Variants in RCAN2 observed in about 807,000 individuals in gnomAD.
RCAN2 encodes the protein regulator of calcineurin 2.
In RCAN2, 9 loss-of-function variants were observed where a neutral mutation model predicts 23.6. The ratio of observed to expected loss-of-function variants is 0.38; its 90% CI spans 0.23 to 0.67. The LOEUF is 0.67. Ranked by LOEUF, RCAN2 falls within the 30% of genes least tolerant of loss-of-function variation. The pLI is 0.51. For missense variants in RCAN2, 273 were observed against 302.3 expected (o/e 0.90, Z 0.72); for synonymous variants, 109 against 115.7 (o/e 0.94, Z 0.37).
intron 2 of RCAN2, among the ~76,000 whole-genome samples, chr6:46,260,698 G>C (rs951045140): frequency 6.6e-6 from 1 of 152,126 alleles, no homozygotes; most frequent in Non-Finnish European, 1.5e-5. Context: ...TATGGAGCCC[G>C]GCTATGCCAA....
chr6:46,455,345 T>A (rs367747583), intron 2 of RCAN2, among the ~76,000 whole-genome samples: 1 of 152,186 alleles, frequency 6.6e-6, no homozygotes, highest in East Asian at 1.9e-4. Flanking sequence ...TATAAAAATA[T>A]CTTTAAATGG....
At chr6:46,412,799 G>A (rs1766586752) in intron 2 of RCAN2, among the ~76,000 whole-genome samples, 1 of 152,158 alleles carries the variant, frequency 6.6e-6, no homozygotes, top group Non-Finnish European at 1.5e-5. Flanking sequence ...AAGAGGAGTT[G>A]GGACTCTGAG....
At chr6:46,311,917 GA>G (rs991610605) in intron 2 of RCAN2, among the ~76,000 whole-genome samples, 1 of 152,092 alleles carries the variant, frequency 6.6e-6, no homozygotes, top group African/African-American at 2.4e-5. Context: ...GACCACACAG[GA>G]AAAAGGTGAT....
chr6:46,319,062 C>T (rs1180986342), intron 2 of RCAN2, among the ~76,000 whole-genome samples: 1 of 152,128 alleles, frequency 6.6e-6, no homozygotes, highest in Non-Finnish European at 1.5e-5. Flanking sequence ...GGATACAGAA[C>T]CTTTACATAA....
chr6:46,291,440 G>T (rs1350147592), intron 2 of RCAN2, among the ~76,000 whole-genome samples: 1 of 151,836 alleles, frequency 6.6e-6, no homozygotes, highest in African/African-American at 2.4e-5. Flanking sequence ...GAGTCCCAGC[G>T]GTGGGAACCA....
chr6:46,454,964 T>A (rs1184648104), intron 2 of RCAN2, among the ~76,000 whole-genome samples: 1 of 152,212 alleles, frequency 6.6e-6, no homozygotes, highest in East Asian at 1.9e-4. Flanking sequence ...ATTGTTTCAG[T>A]CTACTGGGAA....
chr6:46,223,669 C>A (rs1393497826), intron 4 of RCAN2, among the ~76,000 whole-genome samples: 1 of 152,192 alleles, frequency 6.6e-6, no homozygotes. Flanking sequence ...AGTTTTTGAG[C>A]AACCTTGGGC....
At chr6:46,397,208 G>A (rs892286854) in intron 2 of RCAN2, among the ~76,000 whole-genome samples, 9 of 152,098 alleles carry the variant, frequency 5.9e-5, no homozygotes, top group Admixed American at 5.9e-4. Context: ...TTCCAAAATG[G>A]GCAAAATATA....
Position 46,222,267 on chromosome 6 carries a change from A to G in RCAN2, c.*874T>C, listed in dbSNP as rs1765502258. The G allele has an allele frequency of 6.4e-6, 2 of 312,330 alleles. No individual in the cohort carries two copies. Among genetic ancestry groups the G allele is most frequent in the East Asian group, 1.0e-4 (2 of 19,980 alleles). 19.3% of individuals were successfully genotyped at this position (312,330 alleles called of 1,614,324 possible). ...AATTGTCGAACAATCACTAAATAAA[A>G]AACATCCAGATTTTTTAAAAGCACA... On this transcript the variant is annotated 3_prime_UTR_variant, in exon 5 of 5. Coordinates refer to ENST00000371374, the MANE Select transcript of RCAN2 (RefSeq NM_001251974.2).
intron 2 of RCAN2, among the ~76,000 whole-genome samples, chr6:46,405,662 A>G (rs895102264): frequency 4.6e-5 from 7 of 151,852 alleles, no homozygotes; most frequent in African/African-American, 1.5e-4. Context: ...AGACATAAAG[A>G]CTCCATGTCC....
At chr6:46,351,389 A>AATTAATCTT (rs1386002619) in intron 2 of RCAN2, among the ~76,000 whole-genome samples, 2 of 152,202 alleles carry the variant, frequency 1.3e-5, no homozygotes, top group Non-Finnish European at 2.9e-5. Flanking sequence ...TCCAGCCTGG[A>AATTAATCTT]ATTAATCTTG....
At chr6:46,321,284 C>T (rs747057837) in intron 2 of RCAN2, among the ~76,000 whole-genome samples, 1 of 152,162 alleles carries the variant, frequency 6.6e-6, no homozygotes, top group Non-Finnish European at 1.5e-5. Flanking sequence ...TGTATATTTA[C>T]TTGTTTACTA....
At chr6:46,464,743 C>T (rs1275954536) in intron 1 of RCAN2, among the ~76,000 whole-genome samples, 1 of 152,146 alleles carries the variant, frequency 6.6e-6, no homozygotes, top group Non-Finnish European at 1.5e-5. Flanking sequence ...GTATCAGGAA[C>T]ATGCAGTTTC....
chr6:46,443,555 T>G (rs368629145), intron 2 of RCAN2, among the ~76,000 whole-genome samples: 3 of 152,166 alleles, frequency 2.0e-5, no homozygotes, highest in East Asian at 3.8e-4. Context: ...TTCTCCTTGA[T>G]GTAGTTATAA....
At chr6:46,342,174 A>C (rs1338740098) in intron 2 of RCAN2, among the ~76,000 whole-genome samples, 1 of 152,204 alleles carries the variant, frequency 6.6e-6, no homozygotes, top group Admixed American at 6.5e-5. Context: ...GGCTCAAGGA[A>C]AAGGGACAAA....
chr6:46,476,602 T>C (rs1480717648), intron 1 of RCAN2, among the ~76,000 whole-genome samples: 1 of 152,196 alleles, frequency 6.6e-6, no homozygotes, highest in African/African-American at 2.4e-5. Context: ...TATATTTTTG[T>C]CTTTGTCCAA....
intron 2 of RCAN2, among the ~76,000 whole-genome samples, chr6:46,314,840 C>A (rs112489515): frequency 6.6e-6 from 1 of 152,074 alleles, no homozygotes; most frequent in Non-Finnish European, 1.5e-5. Flanking sequence ...GCAGGCAGAT[C>A]GCTTGAGCTC....
At chr6:46,360,402 T>C (rs1030540925) in intron 2 of RCAN2, among the ~76,000 whole-genome samples, 2 of 151,322 alleles carry the variant, frequency 1.3e-5, no homozygotes, top group South Asian at 2.1e-4. Context: ...GGCGTGGTGG[T>C]GGGCACCTGT....
At chr6:46,365,764 GTATCTTGCTCTTAGC>G (rs1765156311) in intron 2 of RCAN2, among the ~76,000 whole-genome samples, 1 of 151,968 alleles carries the variant, frequency 6.6e-6, no homozygotes, top group African/African-American at 2.4e-5. Context: ...AAATCATCAG[GTATCTTGCTCTTAGC>G]TAGTTATTTG....
Sources: gnomAD v4.1 joint callset for allele counts (sites outside exome capture counted in the v4.1 genomes callset) on GRCh38, gnomAD v4.1.1 for gene constraint, MANE v1.5 for transcripts, NCBI Gene and HGNC (gene_info 2026-07-23, HGNC 2026-07-21) for gene names.